The following GREM1 variants were observed in gnomAD, a reference collection of about 807,000 sequenced individuals.
The protein encoded by GREM1 is gremlin-1.
GREM1 carries 6 observed loss-of-function variants against 13.1 expected under a neutral mutation model. That is an observed-to-expected ratio of 0.46 (90% CI 0.25 to 0.91). The LOEUF is 0.91. Ranked by LOEUF, GREM1 falls within the 40% of genes least tolerant of loss-of-function variation. The probability of loss-of-function intolerance (pLI) is 0.18; values close to 1 mark genes in which losing one functional copy is unlikely to be tolerated. For synonymous variants in GREM1, 98 were observed against 93.7 expected, an observed-to-expected ratio of 1.05 and a Z score of -0.27; for missense variants, 185 against 233.9, an observed-to-expected ratio of 0.79 and a Z score of 1.36.
intron 1 of GREM1, among the ~76,000 whole-genome samples, chr15:32,721,294 A>G (rs1345797232): frequency 6.6e-6 from 1 of 152,238 alleles, no homozygotes; most frequent in Non-Finnish European, 1.5e-5. Context: ...TCTACCTCAT[A>G]TTTTGTTATG....
In GREM1 at chr15:32,742,864, C is replaced by G. The variant is rs1403469462; in HGVS notation, c.*11619C>G. 6.6e-6 allele frequency: 1 copy of G among 152,156 alleles called. No individual in the cohort carries two copies. Among genetic ancestry groups the G allele is most frequent in the Non-Finnish European group, 1.5e-5 (1 of 67,994 alleles). The allele number at this position is 152,156 out of a possible 1,614,324, so 9.4% of individuals were successfully genotyped here. A position where few individuals can be genotyped will look rare whatever the true frequency, so the allele number is the denominator to read the frequency against. ...TTGGACCCTATCTTATACCAAAAAT[C>G]AACTCAAAATGGATTATTTAAATGT... is the stretch of plus-strand genomic sequence containing the variant. On this transcript the variant is annotated 3_prime_UTR_variant, in exon 2 of 2. Coordinates refer to ENST00000651154, the MANE Select transcript of GREM1 (RefSeq NM_013372.7).
chr15:32,728,697 T>C (rs890996743), intron 1 of GREM1, among the ~76,000 whole-genome samples: 4 of 152,194 alleles, frequency 2.6e-5, no homozygotes, highest in Admixed American at 1.3e-4. Context: ...TTATGTGTAA[T>C]ACTGGTATTC....
In GREM1 at chr15:32,744,178, T is replaced by C. The variant is rs1481928121; in HGVS notation, c.*12933T>C. 2.0e-5 allele frequency: 3 copies of C among 152,134 alleles called. No individual in the cohort carries two copies. Among genetic ancestry groups the C allele is most frequent in the Non-Finnish European group, 4.4e-5 (3 of 68,034 alleles). 9.4% of individuals were successfully genotyped at this position (152,134 alleles called of 1,614,324 possible). A position where few individuals can be genotyped will look rare whatever the true frequency, so the allele number is the denominator to read the frequency against. On this transcript the variant is annotated 3_prime_UTR_variant, in exon 2 of 2. Coordinates refer to ENST00000651154, the MANE Select transcript of GREM1 (RefSeq NM_013372.7). ...CTTTTTTTTTAATTACACTCTCAGT[T>C]ACATGAATCAATAAATTCCATTTTT...
At chr15:32,722,144 G>GAA (rs1305743981) in intron 1 of GREM1, among the ~76,000 whole-genome samples, 1 of 152,118 alleles carries the variant, frequency 6.6e-6, no homozygotes, top group Non-Finnish European at 1.5e-5. Context: ...GTCTGAAAAA[G>GAA]AAAGTCAACA....
intron 1 of GREM1, chr15:32,718,895 T>C (rs935948455): frequency 5.5e-5 from 11 of 198,216 alleles, no homozygotes; most frequent in Non-Finnish European, 1.0e-4. Context: ...GCTTCTCTAC[T>C]CCAGCCTCTT....
chr15:32,725,851 G>C (rs1011438493), intron 1 of GREM1, among the ~76,000 whole-genome samples: 4 of 151,810 alleles, frequency 2.6e-5, no homozygotes, highest in African/African-American at 9.7e-5. Context: ...AGTTTTCTGC[G>C]TATGGCTAGC....
chr15:32,719,629 C>T (rs1237460439), intron 1 of GREM1, among the ~76,000 whole-genome samples: 1 of 152,062 alleles, frequency 6.6e-6, no homozygotes, highest in Non-Finnish European at 1.5e-5. Context: ...GCGGTGTGCG[C>T]GTCTGTTTAT....
Position 32,730,795 on chromosome 15 carries a change from G to A in GREM1, c.105G>A (p.Pro35=), listed in dbSNP as rs746525315. The change falls in exon 2 of 2, where the codon CCG becomes CCA. Residue 35 remains proline (P), a synonymous_variant. Coordinates refer to ENST00000651154, the MANE Select transcript of GREM1 (RefSeq NM_013372.7). ...AAGGGTCCCAAGGTGCCATCCCCCCGCCAGACAAGGCCCAGCACAATGACT... is the reference window on the plus strand; with the variant it reads ...AAGGGTCCCAAGGTGCCATCCCCCCACCAGACAAGGCCCAGCACAATGACT... The part of the protein sequence containing the change: ...KKKGSQGAIP[P]PDKAQHNDSE... The A allele has an allele frequency of 1.5e-5, 24 of 1,613,762 alleles. No individual in the cohort carries two copies. The highest frequency in any genetic ancestry group is 1.9e-5 in the Non-Finnish European group (22 of 1,179,958).
chr15:32,729,329 T>G (rs1048489969), intron 1 of GREM1, among the ~76,000 whole-genome samples: 8 of 152,134 alleles, frequency 5.3e-5, no homozygotes, highest in African/African-American at 1.9e-4. Context: ...GCCCGGCCAA[T>G]TGTCTGCACT....
rs1377991744 is a variant in GREM1 at position 32,730,676 on chromosome 15, C to A, written c.-1-14C>A. 1.3e-6 allele frequency: 2 copies of A among 1,511,800 alleles called. No homozygotes were observed. The highest frequency in any genetic ancestry group is 8.9e-7 in the Non-Finnish European group (1 of 1,129,214). The allele number at this position is 1,511,800 out of a possible 1,614,324, so 93.6% of individuals were successfully genotyped here. A position where few individuals can be genotyped will look rare whatever the true frequency, so the allele number is the denominator to read the frequency against. On this transcript the variant is annotated splice_polypyrimidine_tract_variant and intron_variant, in intron 1 of 1. Transcript: ENST00000651154. ...TGTTTTGTGTCTTCCCCTCTCTGTG[C>A]TTCCTTTCTTTAGTATGAGCCGCAC...
intron 1 of GREM1, among the ~76,000 whole-genome samples, chr15:32,727,693 G>C (rs1479183236): frequency 1.3e-5 from 2 of 152,182 alleles, no homozygotes; most frequent in African/African-American, 4.8e-5. Flanking sequence ...AAGAGAGGAA[G>C]TCAAATTGTC....
At position 32,733,389 on chromosome 15, in the gene GREM1, T is replaced by A. The variant is rs2055653819; in HGVS notation, c.*2144T>A. The A allele has an allele frequency of 4.4e-6, 1 of 226,878 alleles. No individual in the cohort carries two copies. The highest frequency in any genetic ancestry group is 9.6e-6 in the Non-Finnish European group (1 of 104,562). The allele number at this position is 226,878 out of a possible 1,614,324, so 14.1% of individuals were successfully genotyped here. On this transcript the variant is annotated 3_prime_UTR_variant, in exon 2 of 2. Transcript: ENST00000651154. ...ACCAGCAAACACTGAATTTCTCTTGTTGTTTTAACTCTGCCACAAGAATGC... is the reference window on the plus strand; with the variant it reads ...ACCAGCAAACACTGAATTTCTCTTGATGTTTTAACTCTGCCACAAGAATGC...
rs1409334560 is a variant in GREM1, at chr15:32,744,876, G to A, written c.*13631G>A. The A allele has an allele frequency of 1.3e-5, 2 of 152,034 alleles. No individual in the cohort carries two copies. Among genetic ancestry groups the A allele is most frequent in the Admixed American group, 6.5e-5 (1 of 15,272 alleles). 9.4% of individuals were successfully genotyped at this position (152,034 alleles called of 1,614,324 possible). A position where few individuals can be genotyped will look rare whatever the true frequency, so the allele number is the denominator to read the frequency against. ...AGGAGCTGTTGCACTATTCATTCCC[G>A]TTTCCTCCCATTCACTCTCCACATC... On this transcript the variant is annotated 3_prime_UTR_variant, in exon 2 of 2. Transcript: ENST00000651154.
rs1390720392 is a variant in GREM1, at chr15:32,733,886, T to C, written c.*2641T>C. 1 of 240,292 alleles carries C rather than the reference T, an allele frequency of 4.2e-6. No individual in the cohort carries two copies. 14.9% of individuals were successfully genotyped at this position (240,292 alleles called of 1,614,324 possible). On this transcript the variant is annotated 3_prime_UTR_variant, in exon 2 of 2. Coordinates refer to ENST00000651154, the MANE Select transcript of GREM1 (RefSeq NM_013372.7). ...TGGAAGTCTGTAAGTTGTTTTTTGT[T>C]ACTGTAGGTCTTCAAAGTTAAGAGT...
chr15:32,719,923 G>A (rs1253685987), intron 1 of GREM1, among the ~76,000 whole-genome samples: 1 of 152,036 alleles, frequency 6.6e-6, no homozygotes, highest in African/African-American at 2.4e-5. Context: ...AAGCAAGGAG[G>A]GAAAGATCTT....
At position 32,733,426 on chromosome 15, in the gene GREM1, C is replaced by T. The variant is rs3743103; in HGVS notation, c.*2181C>T. The T allele has an allele frequency of 0.52, 118,203 of 228,252 alleles. 31,915 individuals carry two copies. Among genetic ancestry groups the T allele is most frequent in the Non-Finnish European group, 0.58 (61,464 of 105,558 alleles). 14.1% of individuals were successfully genotyped at this position (228,252 alleles called of 1,614,324 possible). A position where few individuals can be genotyped will look rare whatever the true frequency, so the allele number is the denominator to read the frequency against. On this transcript the variant is annotated 3_prime_UTR_variant, in exon 2 of 2. Transcript: ENST00000651154. ...TGCCACAAGAATGCAATTTCGTTAA[C>T]GGAGATGACTTAAGTTGGCAGCAGT...
rs2140770814 is a variant in GREM1, at chr15:32,741,935, G to A, written c.*10690G>A. On this transcript the variant is annotated 3_prime_UTR_variant, in exon 2 of 2. Coordinates refer to ENST00000651154, the MANE Select transcript of GREM1 (RefSeq NM_013372.7). ...TTTTTTACATCCATCAAATGATTAT[G>A]TAATTTTTATCCTTTATTCTGTTAA... The A allele has an allele frequency of 6.6e-6, 1 of 152,156 alleles. No homozygotes were observed. Among genetic ancestry groups the A allele is most frequent in the Middle Eastern group, 3.4e-3 (1 of 294 alleles). The allele number at this position is 152,156 out of a possible 1,614,324, so 9.4% of individuals were successfully genotyped here.
At chr15:32,728,583 T>C (rs2055555275) in intron 1 of GREM1, among the ~76,000 whole-genome samples, 1 of 152,250 alleles carries the variant, frequency 6.6e-6, no homozygotes, top group African/African-American at 2.4e-5. Flanking sequence ...TTAGAAAATC[T>C]AGATCCTACA....
rs1220159840 is a variant in GREM1, at chr15:32,734,446, AT to A, written c.*3203del. ...CCTCAAGATATTTAATATCAACTGC[AT>A]TATGTATTATGTCTGCTTAAATCAT... On this transcript the variant is annotated 3_prime_UTR_variant, in exon 2 of 2. Transcript: ENST00000651154. 1 of 246,374 alleles carries A rather than the reference AT, an allele frequency of 4.1e-6. No homozygotes were observed. Among genetic ancestry groups the A allele is most frequent in the Admixed American group, 5.6e-5 (1 of 17,752 alleles). The allele number at this position is 246,374 out of a possible 1,614,324, so 15.3% of individuals were successfully genotyped here.
Sources: gnomAD v4.1 joint callset for allele counts (sites outside exome capture counted in the v4.1 genomes callset) on GRCh38, gnomAD v4.1.1 for gene constraint, MANE v1.5 for transcripts, NCBI Gene and HGNC (gene_info 2026-07-23, HGNC 2026-07-21) for gene names.